NPEPPS: variants seen among roughly 807,000 people sequenced by gnomAD.
The protein encoded by NPEPPS is aminopeptidase puromycin sensitive.
In NPEPPS, 14 loss-of-function variants were observed where a neutral mutation model predicts 115.5. The ratio of observed to expected loss-of-function variants is 0.12; its 90% CI spans 0.08 to 0.19. The LOEUF is 0.19. Ranked by LOEUF, NPEPPS falls within the 10% of genes least tolerant of loss-of-function variation. NPEPPS has a pLI of 1.00. For synonymous variants in NPEPPS, 285 were observed against 390.6 expected (o/e 0.73, Z 3.19); for missense variants, 523 against 1,110.8 (o/e 0.47, Z 7.52).
chr17:47,530,332 G>A (rs1372794777), upstream of NPEPPS, among the ~76,000 whole-genome samples: 2 of 146,090 alleles, frequency 1.4e-5, no homozygotes, highest in South Asian at 2.2e-4. Context: ...ATTGGTTGAA[G>A]TAACCTAGAT....
At chr17:47,579,559 T>G in intron 4 of NPEPPS, 48 bp downstream of exon 4, 1 of 1,537,314 alleles carries the variant, frequency 6.5e-7, no homozygotes, top group Non-Finnish European at 8.8e-7. Flanking sequence ...AATTAGGCAT[T>G]CTGACAAAGC....
chr17:47,525,453 C>T (rs1457048833), intron 1 of NPEPPS, among the ~76,000 whole-genome samples: 5 of 152,168 alleles, frequency 3.3e-5, no homozygotes, highest in African/African-American at 7.2e-5. Flanking sequence ...AAGCGATTCT[C>T]CTGCCTCAGC....
chr17:47,527,745 AAAAAT>A (rs1907496203), upstream of NPEPPS, among the ~76,000 whole-genome samples: 2 of 150,614 alleles, frequency 1.3e-5, no homozygotes, highest in Non-Finnish European at 1.5e-5. Flanking sequence ...AAAAAAAAGA[AAAAAT>A]AAACAAGAAA....
rs560519814 is a variant in NPEPPS at position 47,617,619 on chromosome 17, GTA to G, written c.2296-729_2296-728del. ...TCAATAATGCATTTTTATAAGTACA[GTA>G]TTCATTTTCAATTTTTCACTATTAT... On this transcript the variant is annotated intron_variant, in intron 19 of 22. Coordinates refer to ENST00000322157, the MANE Select transcript of NPEPPS (RefSeq NM_006310.4). Among the ~76,000 whole-genome samples, 62 of 138,640 alleles carry G rather than the reference GTA, an allele frequency of 4.5e-4. No homozygotes were observed. In the South Asian group the frequency reaches 0.014, roughly 32 times the overall value. The allele number at this position is 138,640 out of a possible 152,430, so 91.0% of individuals were successfully genotyped here.
intron 1 of NPEPPS, among the ~76,000 whole-genome samples, chr17:47,536,306 G>A (rs1346408610): frequency 6.6e-6 from 1 of 151,752 alleles, no homozygotes; most frequent in Non-Finnish European, 1.5e-5. Context: ...AGTTTGTTTG[G>A]CAGATTAAAA....
chr17:47,572,253 AAAAAT>A (rs1911246072), intron 3 of NPEPPS, among the ~76,000 whole-genome samples: 1 of 152,168 alleles, frequency 6.6e-6, no homozygotes, highest in South Asian at 2.1e-4. Flanking sequence ...TGTCTCTATA[AAAAAT>A]AAAATAAAAA....
chr17:47,618,242 A>C, intron 19 of NPEPPS, 108 bp from the exon 20 acceptor site: 1 of 673,828 alleles, frequency 1.5e-6, no homozygotes, highest in Non-Finnish European at 2.6e-6. Flanking sequence ...TTACCTAGTG[A>C]GAATATAGAA....
At chr17:47,583,969 C>T (rs191882248) in intron 5 of NPEPPS, among the ~76,000 whole-genome samples, 49 of 149,796 alleles carry the variant, frequency 3.3e-4, no homozygotes, top group Non-Finnish European at 7.4e-5. Flanking sequence ...GCCTGTAATC[C>T]CAGCACTTCA....
intron 17 of NPEPPS, among the ~76,000 whole-genome samples, chr17:47,611,904 T>C (rs1913896857): frequency 6.6e-6 from 1 of 152,218 alleles, no homozygotes; most frequent in Non-Finnish European, 1.5e-5. Context: ...GCTATTATCT[T>C]TTTTATTATA....
intron 15 of NPEPPS, among the ~76,000 whole-genome samples, chr17:47,602,940 A>C (rs1265810941): frequency 6.6e-6 from 1 of 152,116 alleles, no homozygotes; most frequent in African/African-American, 2.4e-5. Flanking sequence ...GTACACTACA[A>C]TTTTGATTAG....
At chr17:47,549,848 G>GTA (rs752588183) in intron 2 of NPEPPS, among the ~76,000 whole-genome samples, 61 of 147,182 alleles carry the variant, frequency 4.1e-4, no homozygotes, top group African/African-American at 7.2e-4. Context: ...ACATGTATGT[G>GTA]TATATATATA....
chr17:47,605,296 T>G, intron 16 of NPEPPS, 37 bp from the exon 17 acceptor site: 8 of 1,479,820 alleles, frequency 5.4e-6, no homozygotes, highest in Non-Finnish European at 7.3e-6. Context: ...TGGTTTTGTT[T>G]GAAGACTAGG....
In NPEPPS at chr17:47,587,302, A is replaced by C. The variant is rs1337729815; in HGVS notation, c.1053A>C (p.Gly351=). ...GCCAGTGGGTTGCTCTGGTTGTGGG[A>C]CATGAACTCGCCCATCAATGGTTTG... ...SSRQWVALVV[G]HELAHQWFGN... Residue 351 remains glycine, a synonymous_variant, in exon 9 of 23, where the codon GGA becomes GGC. Coordinates refer to ENST00000322157, the MANE Select transcript of NPEPPS (RefSeq NM_006310.4). 2.5e-6 allele frequency: 4 copies of C among 1,609,930 alleles called. No individual in the cohort carries two copies. The highest frequency in any genetic ancestry group is 3.4e-6 in the Non-Finnish European group (4 of 1,178,732).
chr17:47,565,959 A>G (rs981661230), intron 2 of NPEPPS, among the ~76,000 whole-genome samples: 5 of 152,210 alleles, frequency 3.3e-5, no homozygotes, highest in Non-Finnish European at 1.5e-5. Context: ...AGGCACCACC[A>G]GCATGACTTC....
chr17:47,613,629 G>T (rs745895601), intron 18 of NPEPPS, 40 bp from the exon 19 acceptor site: 1 of 1,483,476 alleles, frequency 6.7e-7, no homozygotes, highest in African/African-American at 1.4e-5. Context: ...CTTGAAACAA[G>T]GTACATTTAA....
upstream of NPEPPS, among the ~76,000 whole-genome samples, chr17:47,530,391 C>T (rs1319042605): frequency 5.8e-5 from 7 of 121,422 alleles, no homozygotes; most frequent in African/African-American, 2.3e-4. Context: ...GAGTCTTGCT[C>T]TGTCGCCCAG....
At chr17:47,524,556 G>A (rs1174134503) in intron 1 of NPEPPS, among the ~76,000 whole-genome samples, 2 of 151,398 alleles carry the variant, frequency 1.3e-5, no homozygotes, top group Admixed American at 6.6e-5. Context: ...GTGCAGTGGC[G>A]CGATCTTGGC....
intron 2 of NPEPPS, among the ~76,000 whole-genome samples, chr17:47,548,017 C>T (rs1393224183): frequency 6.6e-6 from 1 of 152,112 alleles, no homozygotes; most frequent in African/African-American, 2.4e-5. Flanking sequence ...CAGAGCGAGA[C>T]TCCGTCTCAA....
Position 47,622,763 on chromosome 17 carries a change from G to A in NPEPPS, c.*843G>A, listed in dbSNP as rs924652386. On this transcript the variant is annotated 3_prime_UTR_variant, in exon 23 of 23. Transcript: ENST00000322157. Reference sequence around the variant, plus strand: ...TATAAGAACCCTGAAATTTATATAGGTGAGACAATAGAAATAAAAAGATCT... The same window carrying A: ...TATAAGAACCCTGAAATTTATATAGATGAGACAATAGAAATAAAAAGATCT... 2 of 417,002 alleles carry A rather than the reference G, an allele frequency of 4.8e-6. No individual in the cohort carries two copies. The highest frequency in any genetic ancestry group is 9.2e-6 in the Non-Finnish European group (2 of 216,820). 25.8% of individuals were successfully genotyped at this position (417,002 alleles called of 1,614,324 possible).
Sources: allele counts gnomAD v4.1 joint callset (sites outside exome capture counted in the v4.1 genomes callset), GRCh38; gene constraint gnomAD v4.1.1; transcripts MANE v1.5; gene names NCBI Gene and HGNC (gene_info 2026-07-23, HGNC 2026-07-21).